The following LRMDA variants were observed in gnomAD, a reference collection of about 807,000 sequenced individuals.
LRMDA encodes leucine-rich melanocyte differentiation-associated protein.
LRMDA carries 18 observed loss-of-function variants against 29.8 expected under a neutral mutation model. That is an observed-to-expected ratio of 0.60 (90% CI 0.42 to 0.90). The LOEUF is 0.90. Among genes scored for constraint, LRMDA ranks in the 40% least tolerant of loss-of-function variants. The pLI, the probability that LRMDA is intolerant of heterozygous loss-of-function variation, is 0.00. For synonymous variants in LRMDA, 125 were observed against 109.4 expected (o/e 1.14, Z -0.89); for missense variants, 273 against 273.9 (o/e 1.00, Z 0.02).
At position 75,675,404 on chromosome 10, in the gene LRMDA, T is replaced by G. The variant is rs1046101508; in HGVS notation, c.131+236910T>G. On this transcript the variant is annotated intron_variant, in intron 2 of 6. Transcript: ENST00000611255. ...TATTCTATACTAATGGAGATTCCCA[T>G]GAGCAAGTGGGCAGGATGGACCTGA... 2.0e-5 allele frequency among the ~76,000 whole-genome samples: 3 copies of G among 152,340 alleles called. No individual in the cohort carries two copies. The South Asian group carries it at 6.2e-4, about 32-fold the overall frequency.
At chr10:75,587,585 T>A (rs532098393) in intron 2 of LRMDA, among the ~76,000 whole-genome samples, 90 of 152,364 alleles carry the variant, frequency 5.9e-4, no homozygotes, top group Non-Finnish European at 1.2e-3. Flanking sequence ...AATGGGATAC[T>A]GTGGTCCTCT....
intron 2 of LRMDA, among the ~76,000 whole-genome samples, chr10:75,874,491 A>G (rs568181335): frequency 1.3e-5 from 2 of 152,340 alleles, no homozygotes; most frequent in Admixed American, 1.3e-4. Flanking sequence ...TCTCTTTGTT[A>G]TATCAGCTAT....
At chr10:76,423,326 C>T (rs772279241) in intron 6 of LRMDA, among the ~76,000 whole-genome samples, 8 of 152,066 alleles carry the variant, frequency 5.3e-5, no homozygotes, top group African/African-American at 9.7e-5. Context: ...CCCAGGAGAT[C>T]GAGGCTGCAG....
At chr10:75,789,558 A>C (rs998033826) in intron 2 of LRMDA, among the ~76,000 whole-genome samples, 3 of 152,212 alleles carry the variant, frequency 2.0e-5, no homozygotes, top group African/African-American at 7.2e-5. Context: ...GTAAACCAGG[A>C]ATGTCTCTAA....
chr10:76,141,206 T>A lies in LRMDA; in HGVS notation c.516+82423T>A, dbSNP rs189586697. On this transcript the variant is annotated intron_variant, in intron 5 of 6. Coordinates refer to ENST00000611255, the MANE Select transcript of LRMDA (RefSeq NM_001305581.2). ...TTTGCTCTTATATCACACATGTTAATAAGCTTCTATTTGTTCTTCTCTGTT... is the reference window on the plus strand; with the variant it reads ...TTTGCTCTTATATCACACATGTTAAAAAGCTTCTATTTGTTCTTCTCTGTT... Among the ~76,000 whole-genome samples the A allele has an allele frequency of 1.1e-3, 173 of 152,242 alleles. 3 individuals are homozygous for A. The highest frequency in any genetic ancestry group is 2.9e-4 in the Non-Finnish European group (20 of 67,986).
chr10:76,235,489 A>G lies in LRMDA; in HGVS notation c.517-88912A>G, dbSNP rs139333793. 1.1e-4 allele frequency among the ~76,000 whole-genome samples: 16 copies of G among 152,220 alleles called. No individual in the cohort carries two copies. In the East Asian group the frequency reaches 2.5e-3, roughly 24 times the overall value. On this transcript the variant is annotated intron_variant, in intron 5 of 6. Coordinates refer to ENST00000611255, the MANE Select transcript of LRMDA (RefSeq NM_001305581.2). ...ACAAATCCTTCAGTTTGTAGAAAAA[A>G]TAGTATCTGTGAAGTGCAGTGGAAT...
intron 2 of LRMDA, among the ~76,000 whole-genome samples, chr10:75,591,673 C>A (rs372466724): frequency 6.6e-6 from 1 of 152,192 alleles, no homozygotes; most frequent in African/African-American, 2.4e-5. Flanking sequence ...TCCTCATTTG[C>A]ACTCAGAAAC....
chr10:76,231,363 A>T lies in LRMDA; in HGVS notation c.517-93038A>T, dbSNP rs561200834. Among the ~76,000 whole-genome samples, 11 of 152,358 alleles carry T rather than the reference A, an allele frequency of 7.2e-5. No homozygotes were observed. The East Asian group carries it at 2.1e-3, about 29-fold the overall frequency. On this transcript the variant is annotated intron_variant, in intron 5 of 6. Coordinates refer to ENST00000611255, the MANE Select transcript of LRMDA (RefSeq NM_001305581.2). ...GTCATTTTATTTCAGGGCAGAAGATATGAATAGCCTGAATCAAAGGGCTAG... is the reference window on the plus strand; with the variant it reads ...GTCATTTTATTTCAGGGCAGAAGATTTGAATAGCCTGAATCAAAGGGCTAG...
chr10:76,526,846 G>C (rs1392391674), intron 6 of LRMDA, among the ~76,000 whole-genome samples: 1 of 97,918 alleles, frequency 1.0e-5, no homozygotes, highest in East Asian at 3.7e-4. Flanking sequence ...TGGGGGGAGG[G>C]GGGAGGGATA....
At chr10:76,272,027 A>G (rs564599060) in intron 5 of LRMDA, among the ~76,000 whole-genome samples, 1 of 152,268 alleles carries the variant, frequency 6.6e-6, no homozygotes, top group Non-Finnish European at 1.5e-5. Flanking sequence ...ATCCCTCTCC[A>G]CTATCCCACT....
intron 5 of LRMDA, among the ~76,000 whole-genome samples, chr10:76,199,572 C>T (rs548084362): frequency 4.2e-4 from 64 of 152,224 alleles, no homozygotes; most frequent in African/African-American, 1.5e-3. Context: ...TTAGTATTAA[C>T]CCAAACTTAA....
chr10:75,799,789 G>A (rs1287631241), intron 2 of LRMDA, among the ~76,000 whole-genome samples: 1 of 150,986 alleles, frequency 6.6e-6, no homozygotes, highest in East Asian at 2.0e-4. Context: ...CAAGTGATCC[G>A]CTCACCTTGA....
intron 2 of LRMDA, among the ~76,000 whole-genome samples, chr10:75,464,374 G>C (rs140758299): frequency 6.6e-6 from 1 of 152,162 alleles, no homozygotes. Flanking sequence ...TGGTGTGTTT[G>C]TGGATAGGCA....
At chr10:76,495,508 G>C (rs1035826793) in intron 6 of LRMDA, among the ~76,000 whole-genome samples, 33 of 151,350 alleles carry the variant, frequency 2.2e-4, no homozygotes, top group African/African-American at 8.0e-4. Context: ...GTTTCTTTAT[G>C]TCTATAAAGA....
chr10:76,032,018 G>T (rs762680996), intron 2 of LRMDA, among the ~76,000 whole-genome samples: 1 of 152,220 alleles, frequency 6.6e-6, no homozygotes, highest in African/African-American at 2.4e-5. Flanking sequence ...TGATCCAGGG[G>T]TTCTGGAAGT....
chr10:75,532,538 G>A (rs1437368251), intron 2 of LRMDA, among the ~76,000 whole-genome samples: 2 of 152,144 alleles, frequency 1.3e-5, no homozygotes, highest in Admixed American at 6.6e-5. Flanking sequence ...AGGTGTATTC[G>A]GGAGACATCC....
chr10:75,910,217 T>G (rs1268256223), intron 2 of LRMDA, among the ~76,000 whole-genome samples: 1 of 152,218 alleles, frequency 6.6e-6, no homozygotes, highest in East Asian at 1.9e-4. Flanking sequence ...ATTTTGTCAG[T>G]GTGGAAAGCC....
intron 2 of LRMDA, among the ~76,000 whole-genome samples, chr10:76,013,817 T>C (rs1311365117): frequency 6.6e-6 from 1 of 151,964 alleles, no homozygotes; most frequent in Non-Finnish European, 1.5e-5. Context: ...GCAGACCCCA[T>C]TGGTGCTCTG....
At chr10:75,639,874 T>C (rs887419414) in intron 2 of LRMDA, among the ~76,000 whole-genome samples, 6 of 152,202 alleles carry the variant, frequency 3.9e-5, no homozygotes, top group African/African-American at 1.4e-4. Flanking sequence ...GATTAAGTGA[T>C]GCTGTCGTGT....
Sources: gnomAD v4.1 joint callset for allele counts (sites outside exome capture counted in the v4.1 genomes callset) on GRCh38, gnomAD v4.1.1 for gene constraint, MANE v1.5 for transcripts, NCBI Gene and HGNC (gene_info 2026-07-23, HGNC 2026-07-21) for gene names.